SNTG1: variants seen among roughly 807,000 people sequenced by gnomAD.
The protein encoded by SNTG1 is gamma-1-syntrophin.
A neutral mutation model predicts 74.7 loss-of-function variants in SNTG1; 39 were observed. The ratio of observed to expected loss-of-function variants is 0.52; its 90% confidence interval spans 0.40 to 0.68. The LOEUF is 0.68. Among genes scored for constraint, SNTG1 ranks in the 30% least tolerant of loss-of-function variants. The pLI, the probability that SNTG1 is intolerant of heterozygous loss-of-function variation, is 0.00. For synonymous variants in SNTG1, 254 were observed against 217.1 expected (o/e 1.17, Z -1.49); for missense variants, 685 against 609.5 (o/e 1.12, Z -1.30).
At chr8:50,778,105 A>T (rs1301603295) in intron 18 of SNTG1, among the ~76,000 whole-genome samples, 1 of 152,114 alleles carries the variant, frequency 6.6e-6, no homozygotes, top group Non-Finnish European at 1.5e-5. Flanking sequence ...TCTATCATTG[A>T]TGGACATTTG....
intron 1 of SNTG1, among the ~76,000 whole-genome samples, chr8:50,146,679 C>A (rs1390308637): frequency 6.6e-6 from 1 of 152,078 alleles, no homozygotes; most frequent in African/African-American, 2.4e-5. Context: ...TGTGAGGATT[C>A]CTGTGCCTGC....
chr8:50,707,509 T>G (rs1175642374), intron 16 of SNTG1, among the ~76,000 whole-genome samples: 1 of 152,178 alleles, frequency 6.6e-6, no homozygotes, highest in Admixed American at 6.5e-5. Flanking sequence ...TTATTATAAT[T>G]TTTCTATGCT....
chr8:50,053,113 G>A (rs1169570824), intron 1 of SNTG1, among the ~76,000 whole-genome samples: 1 of 151,998 alleles, frequency 6.6e-6, no homozygotes. Context: ...CACATTAACA[G>A]AAATGCTTTT....
chr8:50,191,321 T>C (rs1746410521), intron 2 of SNTG1, among the ~76,000 whole-genome samples: 1 of 152,142 alleles, frequency 6.6e-6, no homozygotes, highest in Non-Finnish European at 1.5e-5. Flanking sequence ...TCAGAAGCAG[T>C]ATTGAAGGGC....
At chr8:50,632,475 T>C (rs2095007742) in intron 13 of SNTG1, among the ~76,000 whole-genome samples, 1 of 151,732 alleles carries the variant, frequency 6.6e-6, no homozygotes, top group African/African-American at 2.4e-5. Flanking sequence ...CACACCCAGC[T>C]AATTTTTGTA....
At chr8:50,440,547 AT>A (rs1411410535) in intron 5 of SNTG1, among the ~76,000 whole-genome samples, 2 of 152,232 alleles carry the variant, frequency 1.3e-5, no homozygotes, top group African/African-American at 2.4e-5. Context: ...TTTTTTAAAA[AT>A]ATCATTCTAG....
At chr8:49,931,421 TG>T (rs780080976) in intron 1 of SNTG1, among the ~76,000 whole-genome samples, 12 of 152,090 alleles carry the variant, frequency 7.9e-5, no homozygotes, top group Non-Finnish European at 1.5e-4. Context: ...AAGAGAGAAG[TG>T]GGGGCACAGG....
intron 1 of SNTG1, among the ~76,000 whole-genome samples, chr8:50,072,920 A>C (rs1821500861): frequency 6.6e-6 from 1 of 152,200 alleles, no homozygotes; most frequent in Admixed American, 6.5e-5. Flanking sequence ...TAACTAAAAA[A>C]TGCTCACAGT....
intron 15 of SNTG1, among the ~76,000 whole-genome samples, chr8:50,685,238 T>G (rs983224509): frequency 6.6e-6 from 1 of 152,048 alleles, no homozygotes; most frequent in Non-Finnish European, 1.5e-5. Context: ...CTCCAAGAGA[T>G]TGGTTAATGT....
intron 15 of SNTG1, among the ~76,000 whole-genome samples, chr8:50,669,872 C>A (rs896438390): frequency 2.0e-5 from 3 of 152,168 alleles, no homozygotes; most frequent in African/African-American, 7.2e-5. Context: ...CCCTGGGATG[C>A]AAGGCTGGTT....
chr8:50,318,063 C>G (rs2130793713), intron 2 of SNTG1, among the ~76,000 whole-genome samples: 1 of 152,216 alleles, frequency 6.6e-6, no homozygotes, highest in East Asian at 1.9e-4. Flanking sequence ...GTCTCGATCT[C>G]CTGACCTCGT....
At chr8:50,657,763 T>C (rs1182477980) in intron 14 of SNTG1, among the ~76,000 whole-genome samples, 3 of 152,116 alleles carry the variant, frequency 2.0e-5, no homozygotes, top group African/African-American at 4.8e-5. Context: ...ATCAATAACA[T>C]TTTCATCTTC....
At chr8:50,555,291 C>A (rs1313851160) in intron 12 of SNTG1, among the ~76,000 whole-genome samples, 1 of 152,100 alleles carries the variant, frequency 6.6e-6, no homozygotes, top group African/African-American at 2.4e-5. Context: ...ATTACATGTT[C>A]TTTTGTTCTT....
At chr8:50,086,174 G>A (rs1433341983) in intron 1 of SNTG1, among the ~76,000 whole-genome samples, 1 of 152,194 alleles carries the variant, frequency 6.6e-6, no homozygotes, top group Non-Finnish European at 1.5e-5. Flanking sequence ...CCACATAGGG[G>A]ACTACAGAGA....
chr8:50,453,480 G>A (rs954902304), intron 8 of SNTG1, among the ~76,000 whole-genome samples: 1 of 152,146 alleles, frequency 6.6e-6, no homozygotes, highest in African/African-American at 2.4e-5. Flanking sequence ...AGCACCGCTT[G>A]GCATGCAGCA....
At chr8:50,032,177 T>C (rs1176456855) in intron 1 of SNTG1, among the ~76,000 whole-genome samples, 1 of 152,074 alleles carries the variant, frequency 6.6e-6, no homozygotes, top group African/African-American at 2.4e-5. Flanking sequence ...ATCTTCTCAA[T>C]TCGTTTTTTC....
intron 9 of SNTG1, among the ~76,000 whole-genome samples, chr8:50,513,789 C>A (rs1014145410): frequency 3.9e-5 from 6 of 152,202 alleles, no homozygotes; most frequent in Admixed American, 3.3e-4. Context: ...GTGGGAGTGA[C>A]CCAATTTTCC....
At chr8:50,326,604 T>C (rs201325550) in intron 2 of SNTG1, among the ~76,000 whole-genome samples, 1 of 151,998 alleles carries the variant, frequency 6.6e-6, no homozygotes, top group East Asian at 1.9e-4. Flanking sequence ...CTAGTTAGCC[T>C]AGCTACTGTT....
At chr8:50,484,132 CTTTCCTTCT>C (rs1563453380) in intron 8 of SNTG1, among the ~76,000 whole-genome samples, 4 of 114,554 alleles carry the variant, frequency 3.5e-5, no homozygotes, top group African/African-American at 1.0e-4. Flanking sequence ...TTCTTTCTTT[CTTTCCTTCT>C]TTCTTTCTTT....
Sources: gnomAD v4.1 joint callset for allele counts (sites outside exome capture counted in the v4.1 genomes callset) on GRCh38, gnomAD v4.1.1 for gene constraint, MANE v1.5 for transcripts, NCBI Gene and HGNC (gene_info 2026-07-23, HGNC 2026-07-21) for gene names.